RBFOX1: variants seen among roughly 807,000 people sequenced by gnomAD.
RBFOX1 encodes RNA binding fox-1 homolog 1.
In RBFOX1, 8 loss-of-function variants were observed where a neutral mutation model predicts 57.7. The ratio of observed to expected loss-of-function variants is 0.14; its 90% confidence interval spans 0.08 to 0.25. RBFOX1 has a LOEUF of 0.25. Ranked by LOEUF, RBFOX1 falls within the 10% of genes least tolerant of loss-of-function variation. The pLI, the probability that RBFOX1 is intolerant of heterozygous loss-of-function variation, is 1.00. For missense variants in RBFOX1, 611 were observed against 548.5 expected (o/e 1.11, Z -1.14); for synonymous variants, 326 against 222.4 (o/e 1.47, Z -4.15).
chr16:5,581,047 C>T (rs2046647510), intron 2 of RBFOX1, among the ~76,000 whole-genome samples: 1 of 152,182 alleles, frequency 6.6e-6, no homozygotes, highest in Admixed American at 6.5e-5. Context: ...TTTTAATGAA[C>T]CGGAAAGCGT....
intron 2 of RBFOX1, among the ~76,000 whole-genome samples, chr16:6,629,954 G>A (rs768609950): frequency 2.5e-4 from 31 of 126,212 alleles, no homozygotes; most frequent in Non-Finnish European, 4.3e-4. Context: ...GCCTTATTTC[G>A]GTAGGTTTTT....
intron 3 of RBFOX1, among the ~76,000 whole-genome samples, chr16:7,009,360 C>A (rs925185411): frequency 6.6e-6 from 1 of 150,450 alleles, no homozygotes; most frequent in Non-Finnish European, 1.5e-5. Flanking sequence ...CAAGCAGTCT[C>A]TTGGAATTAG....
At chr16:5,880,334 T>G (rs1273055465) in intron 4 of RBFOX1, among the ~76,000 whole-genome samples, 1 of 152,176 alleles carries the variant, frequency 6.6e-6, no homozygotes, top group Admixed American at 6.6e-5. Context: ...ACAGATTTCC[T>G]TTGGTAGCAT....
chr16:6,350,444 G>GAAAAAAAAAAAAAAAAAA (rs569363563), intron 2 of RBFOX1, among the ~76,000 whole-genome samples: 4 of 74,616 alleles, frequency 5.4e-5, no homozygotes, highest in Admixed American at 1.6e-4. Flanking sequence ...TCTGTCTCAA[G>GAAAAAAAAAAAAAAAAAA]AAAAAAAAAA....
At chr16:6,981,763 G>A (rs11859852) in intron 3 of RBFOX1, among the ~76,000 whole-genome samples, 3,534 of 152,098 alleles carry the variant, frequency 0.023, 142 homozygotes, top group African/African-American at 0.08. Context: ...ATTATTTCCC[G>A]CCTGGTTCCC....
chr16:6,811,652 G>C lies in RBFOX1; in HGVS notation c.-16+157002G>C, dbSNP rs1043820722. On this transcript the variant is annotated intron_variant, in intron 3 of 15. Transcript: ENST00000550418. ...GGTCTGTAATCCTAGCACTTTGGGA[G>C]GCTAAGGCGGGTAGATCATCTGAAG... Among the ~76,000 whole-genome samples, 2 of 152,300 alleles carry C rather than the reference G, an allele frequency of 1.3e-5. 1 individual carries two copies. The highest frequency in any genetic ancestry group is 6.8e-3 in the Middle Eastern group (2 of 294).
At chr16:6,544,148 G>C (rs1336027485) in intron 2 of RBFOX1, among the ~76,000 whole-genome samples, 1 of 152,158 alleles carries the variant, frequency 6.6e-6, no homozygotes, top group Non-Finnish European at 1.5e-5. Flanking sequence ...AGATTGAACC[G>C]AGTAACTTCC....
At chr16:7,277,277 A>T (rs1241058400) in intron 4 of RBFOX1, among the ~76,000 whole-genome samples, 7 of 152,136 alleles carry the variant, frequency 4.6e-5, no homozygotes, top group Admixed American at 4.6e-4. Flanking sequence ...TCAGAAGCAA[A>T]ATATCATGAT....
At chr16:5,424,875 T>TCTTTCTTTC (rs1555514727) in intron 1 of RBFOX1, among the ~76,000 whole-genome samples, 2 of 76,828 alleles carry the variant, frequency 2.6e-5, no homozygotes, top group African/African-American at 4.8e-5. Context: ...TCTTTCTTTT[T>TCTTTCTTTC]TTTCTTTCTT....
rs2098522834 is a variant in RBFOX1, at chr16:6,645,052, G to A, written c.-63-9551G>A. Among the ~76,000 whole-genome samples the A allele has an allele frequency of 3.3e-5, 5 of 152,158 alleles. No individual in the cohort carries two copies. The South Asian group carries it at 1.0e-3, about 32-fold the overall frequency. The stretch of plus-strand genomic sequence containing the variant: ...TGAGCAGGACGGCTCTCCCAGCAAA[G>A]GTTCTGGGGAAGATTCATCTTTGCC... On this transcript the variant is annotated intron_variant, in intron 2 of 15. Coordinates refer to ENST00000550418, the MANE Select transcript of RBFOX1 (RefSeq NM_018723.4).
intron 3 of RBFOX1, among the ~76,000 whole-genome samples, chr16:6,876,280 G>C (rs2061832401): frequency 6.6e-6 from 1 of 152,072 alleles, no homozygotes; most frequent in South Asian, 2.1e-4. Flanking sequence ...AATTGTCCTA[G>C]AATCACCCAG....
intron 4 of RBFOX1, among the ~76,000 whole-genome samples, chr16:5,964,702 TATAAC>T (rs770976963): frequency 1.2e-4 from 18 of 152,034 alleles, no homozygotes; most frequent in Admixed American, 3.9e-4. Flanking sequence ...TATATGTACA[TATAAC>T]ATATACACTT....
At chr16:7,172,701 T>A (rs1013079114) in intron 4 of RBFOX1, among the ~76,000 whole-genome samples, 17 of 152,112 alleles carry the variant, frequency 1.1e-4, no homozygotes, top group Non-Finnish European at 1.9e-4. Flanking sequence ...CAGAGGGGGA[T>A]CTTGACACAC....
chr16:6,992,259 A>T, intron 3 of RBFOX1, among the ~76,000 whole-genome samples: 1 of 150,474 alleles, frequency 6.6e-6, no homozygotes, highest in Non-Finnish European at 1.5e-5. Context: ...TGCCTCCCGG[A>T]TTCAAGGGAT....
intron 4 of RBFOX1, among the ~76,000 whole-genome samples, chr16:7,452,736 A>G (rs28377542): frequency 3.5e-4 from 53 of 152,348 alleles, no homozygotes; most frequent in African/African-American, 1.1e-3. Flanking sequence ...GGATAAAGTC[A>G]TAACTCCTGA....
chr16:6,754,638 C>T (rs140149120), intron 3 of RBFOX1, among the ~76,000 whole-genome samples: 9 of 151,916 alleles, frequency 5.9e-5, no homozygotes, highest in East Asian at 1.9e-4. Context: ...CTTTTATATA[C>T]GGGGATGTTG....
chr16:7,614,706 A>G (rs1020957176), intron 10 of RBFOX1: 8 of 152,188 alleles, frequency 5.3e-5, no homozygotes, highest in Non-Finnish European at 8.8e-5. Context: ...TTAAGTTACC[A>G]TTGTCCACAT....
At chr16:6,133,251 A>G (rs553254923) in intron 1 of RBFOX1, among the ~76,000 whole-genome samples, 2 of 152,242 alleles carry the variant, frequency 1.3e-5, no homozygotes, top group South Asian at 2.1e-4. Flanking sequence ...TGATTGCTCC[A>G]CTGCCCTGCA....
chr16:7,555,071 T>A (rs762361833), intron 5 of RBFOX1, among the ~76,000 whole-genome samples: 130 of 152,318 alleles, frequency 8.5e-4, no homozygotes, highest in African/African-American at 2.9e-3. Flanking sequence ...TAAAGGGTAT[T>A]TGCTATTGTT....
Sources: allele counts gnomAD v4.1 joint callset (sites outside exome capture counted in the v4.1 genomes callset), GRCh38; gene constraint gnomAD v4.1.1; transcripts MANE v1.5; gene names NCBI Gene and HGNC (gene_info 2026-07-23, HGNC 2026-07-21).